ABR: variants seen among roughly 807,000 people sequenced by gnomAD.
The protein encoded by ABR is ABR activator of RhoGEF and GTPase.
Under a neutral mutation model 107.2 loss-of-function variants are expected in ABR, and 35 were observed. The ratio of observed to expected loss-of-function variants is 0.33; its 90% CI spans 0.25 to 0.43. ABR has a LOEUF of 0.43. Among genes scored for constraint, ABR ranks in the 20% least tolerant of loss-of-function variants. The pLI, the probability that ABR is intolerant of heterozygous loss-of-function variation, is 1.00. For missense variants in ABR, 815 were observed against 1,115.2 expected, an observed-to-expected ratio of 0.73 and a Z score of 3.83; for synonymous variants, 498 against 462.0, an observed-to-expected ratio of 1.08 and a Z score of -1.00.
intron 1 of ABR, among the ~76,000 whole-genome samples, chr17:1,209,580 G>A (rs1395566850): frequency 6.6e-6 from 1 of 152,114 alleles, no homozygotes; most frequent in Non-Finnish European, 1.5e-5. Context: ...AATGGTGCCT[G>A]AATCCCTTTC....
chr17:1,201,264 C>G (rs2042665776), intron 1 of ABR, among the ~76,000 whole-genome samples: 1 of 152,202 alleles, frequency 6.6e-6, no homozygotes, highest in Non-Finnish European at 1.5e-5. Flanking sequence ...AGAGACAGAA[C>G]AGACCCGGTT....
intron 16 of ABR, among the ~76,000 whole-genome samples, chr17:1,014,356 G>A (rs2070952750): frequency 7.5e-6 from 1 of 133,572 alleles, no homozygotes; most frequent in Non-Finnish European, 1.6e-5. Context: ...CAGGAGAATA[G>A]CGTGAACCCG....
At chr17:1,178,311 C>G (rs548466890) in intron 1 of ABR, among the ~76,000 whole-genome samples, 1 of 151,910 alleles carries the variant, frequency 6.6e-6, no homozygotes, top group East Asian at 1.9e-4. Context: ...CGCCTGTAAT[C>G]CCAGCACTTT....
chr17:1,031,948 C>CCG, intron 16 of ABR: 1 of 947,938 alleles, frequency 1.1e-6, no homozygotes, highest in Non-Finnish European at 1.4e-6. Flanking sequence ...TCCCCGCCCT[C>CCG]CGCGAGGCTG....
chr17:1,215,462 A>G (rs1276440011), intron 1 of ABR, among the ~76,000 whole-genome samples: 1 of 152,170 alleles, frequency 6.6e-6, no homozygotes, highest in African/African-American at 2.4e-5. Context: ...GCTGGTCTCC[A>G]GCTCCTAGCC....
intron 1 of ABR, among the ~76,000 whole-genome samples, chr17:1,167,163 C>T (rs1341949865): frequency 1.5e-5 from 2 of 137,070 alleles, no homozygotes; most frequent in East Asian, 2.0e-4. Context: ...TCTGGCTGGG[C>T]GGAGAGAGAG....
In ABR at chr17:1,169,861, C is replaced by T. The variant is rs575603194; in HGVS notation, c.61+9806G>A. ...GCACGCTTGGGCTCTGCCAAATCCC[C>T]GCGTCCTCGCCCCTGGCCTCGCTCT... is the stretch of plus-strand genomic sequence containing the variant. On this transcript the variant is annotated intron_variant, in intron 1 of 22. Transcript: ENST00000302538. Among the ~76,000 whole-genome samples, 35 of 152,206 alleles carry T rather than the reference C, an allele frequency of 2.3e-4. 1 individual carries two copies. The highest frequency in any genetic ancestry group is 6.5e-4 in the African/African-American group (27 of 41,518).
chr17:1,009,585 G>C (rs1486608586), intron 21 of ABR, 94 bp downstream of exon 21: 2 of 1,046,372 alleles, frequency 1.9e-6, no homozygotes, highest in Non-Finnish European at 3.0e-6. Flanking sequence ...ACCTTTTCAC[G>C]AGGAGGGACT....
At chr17:1,222,133 C>T (rs866153851) in intron 1 of ABR, among the ~76,000 whole-genome samples, 16 of 147,286 alleles carry the variant, frequency 1.1e-4, no homozygotes, top group East Asian at 2.0e-4. Flanking sequence ...GTCGTGATCT[C>T]GGCTCACTGC....
At chr17:1,183,018 A>C (rs1311863740), upstream of ABR, among the ~76,000 whole-genome samples, 1 of 152,156 alleles carries the variant, frequency 6.6e-6, no homozygotes, top group Admixed American at 6.5e-5. Context: ...GGAGTTGGGG[A>C]GATCCAACGT....
intron 1 of ABR, among the ~76,000 whole-genome samples, chr17:1,216,773 G>A (rs2043017989): frequency 6.6e-6 from 1 of 152,118 alleles, no homozygotes; most frequent in Non-Finnish European, 1.5e-5. Flanking sequence ...GTGGCCAAAG[G>A]GGAGTCACCT....
At chr17:1,185,274 C>G (rs1186282645) in intron 1 of ABR, among the ~76,000 whole-genome samples, 1 of 152,178 alleles carries the variant, frequency 6.6e-6, no homozygotes, top group African/African-American at 2.4e-5. Flanking sequence ...AAATGCCAGT[C>G]CCGGCCAAAC....
At chr17:1,053,496 C>A (rs1382698354) in intron 14 of ABR, among the ~76,000 whole-genome samples, 1 of 152,040 alleles carries the variant, frequency 6.6e-6, no homozygotes, top group African/African-American at 2.4e-5. Flanking sequence ...GGTCCACACC[C>A]CAGCTCTGCA....
chr17:1,162,658 G>C (rs1043653129), intron 1 of ABR, among the ~76,000 whole-genome samples: 2 of 150,860 alleles, frequency 1.3e-5, no homozygotes, highest in African/African-American at 4.9e-5. Flanking sequence ...TAATGGATGT[G>C]GCTCACACCT....
intron 1 of ABR, among the ~76,000 whole-genome samples, chr17:1,209,570 A>G (rs1330564338): frequency 6.6e-6 from 1 of 151,234 alleles, no homozygotes; most frequent in Non-Finnish European, 1.5e-5. Context: ...AGTTTGCTTG[A>G]ATGGTGCCTG....
At chr17:1,122,436 C>A (rs1006323710) in intron 2 of ABR, among the ~76,000 whole-genome samples, 1 of 152,186 alleles carries the variant, frequency 6.6e-6, no homozygotes, top group Non-Finnish European at 1.5e-5. Context: ...GGGCCTCATC[C>A]AATCCACTGA....
chr17:1,056,187 A>G, intron 13 of ABR, 78 bp from the exon 14 acceptor site: 12 of 1,285,904 alleles, frequency 9.3e-6, no homozygotes, highest in Non-Finnish European at 1.2e-5. Flanking sequence ...GGCGGGAGGC[A>G]GACGGGGTAT....
Position 1,200,158 on chromosome 17 carries a change from C to A in ABR, c.838+28635G>T, listed in dbSNP as rs986663980. ...TGGGAGGAAAACAATTAAAAAAAAA[C>A]ACCACAAAAATAAAAAATACAAATA... On this transcript the variant is annotated intron_variant, in intron 1 of 22. Transcript: ENST00000574139. This position sits in a 1 kb window ranked among gnomAD's most constrained non-coding sequence, Gnocchi z 4.1. Among the ~76,000 whole-genome samples the A allele has an allele frequency of 2.6e-5, 4 of 151,588 alleles. No homozygotes were observed. Among genetic ancestry groups the A allele is most frequent in the African/African-American group, 9.7e-5 (4 of 41,290 alleles).
rs547615397 is a variant in ABR at position 1,143,009 on chromosome 17, G to A, written c.62-17642C>T. Among the ~76,000 whole-genome samples, 334 of 147,570 alleles carry A rather than the reference G, an allele frequency of 2.3e-3. 1 individual carries two copies. The highest frequency in any genetic ancestry group is 7.9e-3 in the African/African-American group (317 of 39,950). ...GCTCCTGGGGGACAGCTCATTCCTG[G>A]GGACAGCTCGCTCCTGGGGGACAGC... On this transcript the variant is annotated intron_variant, in intron 1 of 22. Transcript: ENST00000302538.
Sources: gnomAD v4.1 joint callset for allele counts (sites outside exome capture counted in the v4.1 genomes callset) on GRCh38, gnomAD v4.1.1 for gene constraint, Gnocchi (gnomAD v3.1) non-coding constraint, MANE v1.5 for transcripts, NCBI Gene and HGNC (gene_info 2026-07-23, HGNC 2026-07-21) for gene names.